The following SNX9 variants were observed in gnomAD, a reference collection of about 807,000 sequenced individuals.
SNX9 encodes sorting nexin-9.
Under a neutral mutation model 89.4 loss-of-function variants are expected in SNX9, and 44 were observed. The observed-to-expected ratio is 0.49, with a 90% CI of 0.39 to 0.63. The LOEUF is 0.63. Among genes scored for constraint, SNX9 ranks in the 30% least tolerant of loss-of-function variants. The pLI is 0.00. For synonymous variants in SNX9, 236 were observed against 247.8 expected, an observed-to-expected ratio of 0.95 and a Z score of 0.45; for missense variants, 578 against 736.1, an observed-to-expected ratio of 0.79 and a Z score of 2.49.
At chr6:157,863,285 G>A (rs1173211619) in intron 1 of SNX9, among the ~76,000 whole-genome samples, 2 of 152,236 alleles carry the variant, frequency 1.3e-5, no homozygotes, top group African/African-American at 4.8e-5. Context: ...TGTTAAGAAT[G>A]GATTATGCAC....
chr6:157,831,142 A>T (rs1218382122), intron 1 of SNX9, among the ~76,000 whole-genome samples: 1 of 152,198 alleles, frequency 6.6e-6, no homozygotes, highest in Non-Finnish European at 1.5e-5. Context: ...TCCTAATCTC[A>T]GAAGTCTGAT....
chr6:157,860,514 C>T (rs533032276), intron 1 of SNX9, among the ~76,000 whole-genome samples: 1 of 152,364 alleles, frequency 6.6e-6, no homozygotes, highest in South Asian at 2.1e-4. Context: ...TGTTTTGACA[C>T]ATTACTTGGT....
At chr6:157,886,044 C>T (rs1329168639) in intron 4 of SNX9, among the ~76,000 whole-genome samples, 2 of 152,182 alleles carry the variant, frequency 1.3e-5, no homozygotes, top group Non-Finnish European at 2.9e-5. Flanking sequence ...GACAGACAGA[C>T]GTCGTGGTGC....
At chr6:157,937,971 A>C (rs6916934) in intron 15 of SNX9, among the ~76,000 whole-genome samples, 48,528 of 152,210 alleles carry the variant, frequency 0.32, 9,538 homozygotes, top group African/African-American at 0.56. Context: ...AAACTCAGAA[A>C]AATTAGCTTG....
chr6:157,906,160 A>G lies in SNX9; in HGVS notation c.653A>G (p.Gln218Arg), dbSNP rs1783211150. 6.2e-7 allele frequency: 1 copy of G among 1,601,496 alleles called. No homozygotes were observed. The highest frequency in any genetic ancestry group is 8.5e-7 in the Non-Finnish European group (1 of 1,176,990). Reference protein sequence around the residue: ...FPGFAKPGTEQYLLAKQLAKP... With the variant: ...FPGFAKPGTERYLLAKQLAKP... ...GGATTTGCGAAACCTGGCACGGAAC[A>G]GTATTTGTTGGCCAAACAACTAGCA... The change falls in exon 7 of 18, where the codon CAG becomes CGG. Residue 218 changes from glutamine (Q) to arginine (R), a missense_variant. Physicochemically the swap from Gln to Arg is conservative, Grantham distance 43. This residue lies in a region of SNX9 where 348 missense variants were observed against 491.4 expected (regional missense o/e 0.71). Transcript: ENST00000392185.
Position 157,875,187 on chromosome 6 carries a change from C to T in SNX9, c.300+11C>T. On this transcript the variant is annotated intron_variant, in intron 4 of 17. Coordinates refer to ENST00000392185, the MANE Select transcript of SNX9 (RefSeq NM_016224.5). ...AGCAACAATCACCAGGTACGTCTCA[C>T]TTCCTCCTTCTGGATGTGGCTGGCT... 1.2e-6 allele frequency: 2 copies of T among 1,602,958 alleles called. No individual in the cohort carries two copies. The highest frequency in any genetic ancestry group is 1.1e-5 in the South Asian group (1 of 88,952).
intron 5 of SNX9, among the ~76,000 whole-genome samples, chr6:157,899,241 C>G (rs1783043831): frequency 6.6e-6 from 1 of 152,200 alleles, no homozygotes. Context: ...CCAACTCGGT[C>G]TTTTTAATGT....
At chr6:157,847,856 T>C (rs1781834244) in intron 1 of SNX9, among the ~76,000 whole-genome samples, 1 of 152,162 alleles carries the variant, frequency 6.6e-6, no homozygotes. Context: ...GAAAATAAGG[T>C]ATTAATTTTT....
chr6:157,844,072 A>G (rs563701321), intron 1 of SNX9, among the ~76,000 whole-genome samples: 2 of 151,676 alleles, frequency 1.3e-5, no homozygotes, highest in South Asian at 4.2e-4. Flanking sequence ...ACAGGGTTTC[A>G]CCACTTTGGC....
intron 4 of SNX9, among the ~76,000 whole-genome samples, chr6:157,890,801 GTT>G (rs1166103724): frequency 2.6e-5 from 4 of 152,128 alleles, no homozygotes; most frequent in African/African-American, 9.7e-5. Context: ...ATTTTCCAAT[GTT>G]TGTTAAAATT....
intron 4 of SNX9, among the ~76,000 whole-genome samples, chr6:157,892,261 C>A (rs1040916526): frequency 3.3e-5 from 5 of 151,934 alleles, no homozygotes; most frequent in Admixed American, 2.0e-4. Context: ...AGGCAGAGAT[C>A]GACGTATGGG....
At chr6:157,896,672 A>G (rs1782983101) in intron 4 of SNX9, among the ~76,000 whole-genome samples, 155 bp from the exon 5 acceptor site, 1 of 152,268 alleles carries the variant, frequency 6.6e-6, no homozygotes, top group African/African-American at 2.4e-5. Context: ...CATGTTTGGA[A>G]ATTAAAATAT....
At chr6:157,862,623 T>C (rs1302748099) in intron 1 of SNX9, among the ~76,000 whole-genome samples, 1 of 152,358 alleles carries the variant, frequency 6.6e-6, no homozygotes, top group East Asian at 1.9e-4. Context: ...TACTTAAGAA[T>C]GGGGCCTTAG....
At chr6:157,931,549 A>C (rs1197447472) in intron 12 of SNX9, among the ~76,000 whole-genome samples, 4 of 151,900 alleles carry the variant, frequency 2.6e-5, no homozygotes, top group Admixed American at 6.6e-5. Flanking sequence ...TAGCACCTTA[A>C]AAAGAAACCT....
In SNX9 at chr6:157,930,624, A is replaced by G. The variant is rs563023822; in HGVS notation, c.1289-1571A>G. ...AGATTCTCATAGAAATTTGCACCCTATTAAGAGCCACGCATACAAGCTTGT... is the reference window on the plus strand; with the variant it reads ...AGATTCTCATAGAAATTTGCACCCTGTTAAGAGCCACGCATACAAGCTTGT... On this transcript the variant is annotated intron_variant, in intron 12 of 17. Coordinates refer to ENST00000392185, the MANE Select transcript of SNX9 (RefSeq NM_016224.5). Among the ~76,000 whole-genome samples, 4 of 152,308 alleles carry G rather than the reference A, an allele frequency of 2.6e-5. No individual in the cohort carries two copies. In the South Asian group the frequency reaches 8.3e-4, roughly 32 times the overall value.
intron 7 of SNX9, among the ~76,000 whole-genome samples, chr6:157,908,096 A>G (rs1005158352): frequency 2.0e-5 from 3 of 152,194 alleles, no homozygotes; most frequent in Admixed American, 6.5e-5. Flanking sequence ...CCTCTTAAAA[A>G]AAAAAATTAG....
At chr6:157,858,847 A>G (rs1326488238) in intron 1 of SNX9, among the ~76,000 whole-genome samples, 1 of 152,060 alleles carries the variant, frequency 6.6e-6, no homozygotes, top group Non-Finnish European at 1.5e-5. Flanking sequence ...CATGAGACTT[A>G]CTCACTACCA....
At chr6:157,887,898 G>T (rs1782770601) in intron 4 of SNX9, among the ~76,000 whole-genome samples, 1 of 152,202 alleles carries the variant, frequency 6.6e-6, no homozygotes, top group Admixed American at 6.5e-5. Context: ...GTGGAACCGG[G>T]ATTTGAAGCC....
Position 157,921,670 on chromosome 6 carries a change from T to G in SNX9, c.1080+9T>G. The G allele has an allele frequency of 6.2e-7, 1 of 1,612,816 alleles. No individual in the cohort carries two copies. The highest frequency in any genetic ancestry group is 8.5e-7 in the Non-Finnish European group (1 of 1,179,066). ...ATTTCCGAGATGAGAAGGTAGGACA[T>G]TGTGTTAATATGGCATCAGAGAATA... is the stretch of plus-strand genomic sequence containing the variant. On this transcript the variant is annotated intron_variant, in intron 10 of 17. Coordinates refer to ENST00000392185, the MANE Select transcript of SNX9 (RefSeq NM_016224.5).
Sources: gnomAD v4.1 joint callset for allele counts (sites outside exome capture counted in the v4.1 genomes callset) on GRCh38, gnomAD v4.1.1 for gene constraint, gnomAD v4.1.1 regional missense constraint, MANE v1.5 for transcripts, NCBI Gene and HGNC (gene_info 2026-07-23, HGNC 2026-07-21) for gene names.